SNRNP200: variants seen among roughly 807,000 people sequenced by gnomAD.
The protein encoded by SNRNP200 is U5 small nuclear ribonucleoprotein 200 kDa helicase.
SNRNP200 carries 66 observed loss-of-function variants against 255.2 expected under a neutral mutation model. That is an observed-to-expected ratio of 0.26 (90% CI 0.21 to 0.32). SNRNP200 has a LOEUF of 0.32. Ranked by LOEUF, SNRNP200 falls within the 10% of genes least tolerant of loss-of-function variation. SNRNP200 has a pLI of 1.00. For synonymous variants in SNRNP200, 939 were observed against 1,027.8 expected (o/e 0.91, Z 1.65); for missense variants, 1,585 against 2,749.8 (o/e 0.58, Z 9.47).
chr2:96,292,837 T>A, intron 16 of SNRNP200, 135 bp downstream of exon 16: 1 of 999,088 alleles, frequency 1.0e-6, no homozygotes, highest in Non-Finnish European at 1.5e-6. Context: ...TGTAGTAATA[T>A]CCCATTTCAT....
Position 96,277,428 on chromosome 2 carries a change from C to A in SNRNP200, c.5931+111G>T, listed in dbSNP as rs184881698. The stretch of plus-strand genomic sequence containing the variant: ...TCAACAGGGAGCACCTTCGGAGGAA[C>A]CATAACTAAAAGTTTAACTTACTGA... On this transcript the variant is annotated intron_variant, in intron 41 of 44. Coordinates refer to ENST00000323853, the MANE Select transcript of SNRNP200 (RefSeq NM_014014.5). The surrounding 1 kb of genome is among the most constrained non-coding windows in gnomAD (Gnocchi z 4.4). 5 of 1,394,434 alleles carry A rather than the reference C, an allele frequency of 3.6e-6. No homozygotes were observed. In the African/African-American group the frequency reaches 4.2e-5, roughly 12 times the overall value. The allele number at this position is 1,394,434 out of a possible 1,614,324, so 86.4% of individuals were successfully genotyped here. A position where few individuals can be genotyped will look rare whatever the true frequency, so the allele number is the denominator to read the frequency against.
In SNRNP200 at chr2:96,299,015, G is replaced by A. The variant is rs375684008; in HGVS notation, c.730-48C>T. 8.8e-5 allele frequency: 142 copies of A among 1,609,720 alleles called. 1 individual carries two copies. Among genetic ancestry groups the A allele is most frequent in the Admixed American group, 8.3e-4 (50 of 59,966 alleles). On this transcript the variant is annotated intron_variant, in intron 6 of 44. Coordinates refer to ENST00000323853, the MANE Select transcript of SNRNP200 (RefSeq NM_014014.5). The stretch of plus-strand genomic sequence containing the variant: ...AGCTCACCAGGTCTCTGCCAGCCTC[G>A]ATCACTTTGCCACCACCCTGCAACC...
chr2:96,292,771 T>C (rs2063891878), intron 16 of SNRNP200, among the ~76,000 whole-genome samples: 1 of 152,250 alleles, frequency 6.6e-6, no homozygotes, highest in Non-Finnish European at 1.5e-5. Flanking sequence ...TTTAAAGTTA[T>C]GAGCATAAAA....
Position 96,278,978 on chromosome 2 carries a change from T to G in SNRNP200, c.5154A>C (p.Leu1718Phe). The G allele has an allele frequency of 6.2e-7, 1 of 1,614,012 alleles. No individual in the cohort carries two copies. The change falls in exon 37 of 45, where the codon TTA (leucine) becomes TTC (phenylalanine). Residue 1718 changes from leucine to phenylalanine, a missense_variant. Transcript: ENST00000323853. The surrounding 1 kb of genome is among the most constrained non-coding windows in gnomAD (Gnocchi z 6.9). ...GAGATTCTACTGGCAATGGCTCATA[T>G]AAGAACTTCTTGAAGAAATCCTGTG... is the stretch of plus-strand genomic sequence containing the variant. ...GSKKDFFKKF[L>F]YEPLPVESHL...
chr2:96,281,589 T>G, intron 35 of SNRNP200: 1 of 534,432 alleles, frequency 1.9e-6, no homozygotes, highest in South Asian at 2.0e-5. Context: ...GGCTCTAATT[T>G]CCTACCTCTC....
Position 96,287,809 on chromosome 2 carries a change from T to C in SNRNP200, c.3365+54A>G. 1 of 1,479,310 alleles carries C rather than the reference T, an allele frequency of 6.8e-7. No individual in the cohort carries two copies. The highest frequency in any genetic ancestry group is 1.7e-5 in the Admixed American group (1 of 59,870). 91.6% of individuals were successfully genotyped at this position (1,479,310 alleles called of 1,614,324 possible). On this transcript the variant is annotated intron_variant, in intron 25 of 44. Coordinates refer to ENST00000323853, the MANE Select transcript of SNRNP200 (RefSeq NM_014014.5). This position sits in a 1 kb window ranked among gnomAD's most constrained non-coding sequence, Gnocchi z 5.7. ...CCCTGAGGCTTTCCCATCAGACCCT[T>C]GGGTTGGGGACCCCCACTCATGGTG...
chr2:96,286,561 C>A lies in SNRNP200; in HGVS notation c.3830-77G>T, dbSNP rs958150114. The A allele has an allele frequency of 1.9e-6, 3 of 1,596,568 alleles. No homozygotes were observed. The highest frequency in any genetic ancestry group is 3.4e-5 in the Admixed American group (2 of 59,284). On this transcript the variant is annotated intron_variant, in intron 28 of 44. Coordinates refer to ENST00000323853, the MANE Select transcript of SNRNP200 (RefSeq NM_014014.5). This position sits in a 1 kb window ranked among gnomAD's most constrained non-coding sequence, Gnocchi z 4.8. ...GGCCTCTAGATCCCCTCCATGAACA[C>A]TGGAAACCTAGGCAGCATATGTATC...
At position 96,279,133 on chromosome 2, in the gene SNRNP200, A is replaced by G. The variant is rs1684717868; in HGVS notation, c.5134-135T>C. 6 of 750,342 alleles carry G rather than the reference A, an allele frequency of 8.0e-6. No individual in the cohort carries two copies. In the South Asian group the frequency reaches 9.0e-5, roughly 11 times the overall value. 46.5% of individuals were successfully genotyped at this position (750,342 alleles called of 1,614,324 possible). A position where few individuals can be genotyped will look rare whatever the true frequency, so the allele number is the denominator to read the frequency against. ...CCAAAATGGAAGAAGCCACACATTT[A>G]GAAAGTGCATCACTGGTGACAATAC... is the stretch of plus-strand genomic sequence containing the variant. On this transcript the variant is annotated intron_variant, in intron 36 of 44. Transcript: ENST00000323853.
chr2:96,286,968 C>T lies in SNRNP200; in HGVS notation c.3639+38G>A, dbSNP rs1280554733. On this transcript the variant is annotated intron_variant, in intron 27 of 44. Coordinates refer to ENST00000323853, the MANE Select transcript of SNRNP200 (RefSeq NM_014014.5). The surrounding 1 kb of genome is among the most constrained non-coding windows in gnomAD (Gnocchi z 4.8). Reference sequence around the variant, plus strand: ...CCTCGGCCCAGCAACGTAGACTGAGCACCTCCAATCCAGCACCTCTGCCCA... The same window carrying T: ...CCTCGGCCCAGCAACGTAGACTGAGTACCTCCAATCCAGCACCTCTGCCCA... 6.2e-7 allele frequency: 1 copy of T among 1,613,906 alleles called. No homozygotes were observed. Among genetic ancestry groups the T allele is most frequent in the African/African-American group, 1.3e-5 (1 of 74,916 alleles).
rs913011184 is a variant in SNRNP200 at position 96,277,915 on chromosome 2, A to T, written c.5646T>A (p.Pro1882=). The change falls in exon 40 of 45, where the codon CCT becomes CCA. Residue 1882 remains proline, a synonymous_variant. Transcript: ENST00000323853. This position sits in a 1 kb window ranked among gnomAD's most constrained non-coding sequence, Gnocchi z 4.4. Reference sequence around the variant, plus strand: ...TCTTGACGTGCGGATCATTGAACTTAGGGTTATTCAGCTTGTGGGGGACCT... The same window carrying T: ...TCTTGACGTGCGGATCATTGAACTTTGGGTTATTCAGCTTGTGGGGGACCT... ...AQKVPHKLNN[P]KFNDPHVKTN... is the part of the protein sequence containing the mutation. The T allele has an allele frequency of 3.1e-6, 5 of 1,614,200 alleles. No homozygotes were observed. Among genetic ancestry groups the T allele is most frequent in the Non-Finnish European group, 4.2e-6 (5 of 1,180,040 alleles).
chr2:96,282,361 C>T, intron 34 of SNRNP200: 2 of 218,892 alleles, frequency 9.1e-6, no homozygotes, highest in Non-Finnish European at 1.9e-5. Flanking sequence ...AATGAGGCTC[C>T]AATAAACAGT....
Position 96,287,334 on chromosome 2 carries a change from T to C in SNRNP200, c.3484+105A>G, listed in dbSNP as rs2063850140. 3.4e-6 allele frequency: 4 copies of C among 1,171,612 alleles called. No individual in the cohort carries two copies. 72.6% of individuals were successfully genotyped at this position (1,171,612 alleles called of 1,614,324 possible). A position where few individuals can be genotyped will look rare whatever the true frequency, so the allele number is the denominator to read the frequency against. The stretch of plus-strand genomic sequence containing the variant: ...CTGTACTTCAGTGGGACTTGGGGAG[T>C]GAACACAGGATACTAATGCACAGGC... On this transcript the variant is annotated intron_variant, in intron 26 of 44. Coordinates refer to ENST00000323853, the MANE Select transcript of SNRNP200 (RefSeq NM_014014.5). The surrounding 1 kb of genome is among the most constrained non-coding windows in gnomAD (Gnocchi z 5.7).
In SNRNP200 at chr2:96,290,596, G is replaced by A. The variant is rs1428315266; in HGVS notation, c.2554-82C>T. 1.2e-5 allele frequency: 20 copies of A among 1,611,824 alleles called. No homozygotes were observed. The Admixed American group carries it at 3.3e-4, about 27-fold the overall frequency. ...TGCAGGTATCTACATTACAGAACTA[G>A]ACCTCTGATCTGCTAGCTTTCCAGC... is the stretch of plus-strand genomic sequence containing the variant. On this transcript the variant is annotated intron_variant, in intron 19 of 44. Transcript: ENST00000323853. The surrounding 1 kb of genome is among the most constrained non-coding windows in gnomAD (Gnocchi z 4.5).
chr2:96,276,000 C>T (rs1251464924), intron 43 of SNRNP200, among the ~76,000 whole-genome samples: 2 of 151,960 alleles, frequency 1.3e-5, no homozygotes, highest in Non-Finnish European at 2.9e-5. Flanking sequence ...AGCGAGACTC[C>T]GTCTCAAAAA....
intron 4 of SNRNP200, 62 bp from the exon 5 acceptor site, chr2:96,301,115 G>C: frequency 7.2e-7 from 1 of 1,380,838 alleles, no homozygotes; most frequent in Non-Finnish European, 1.0e-6. Flanking sequence ...AGGCACTCTG[G>C]AGCCAATGTC....
At chr2:96,288,513 C>A (rs2063857719) in intron 24 of SNRNP200, 150 bp downstream of exon 24, 17 of 719,638 alleles carry the variant, frequency 2.4e-5, no homozygotes, top group South Asian at 2.2e-4. Context: ...CTGTACCACA[C>A]ATGCACCAAC....
Position 96,289,863 on chromosome 2 carries a change from G to T in SNRNP200, c.2876C>A (p.Thr959Lys), listed in dbSNP as rs1338836253. 1 of 1,614,204 alleles carries T rather than the reference G, an allele frequency of 6.2e-7. No homozygotes were observed. Among genetic ancestry groups the T allele is most frequent in the Non-Finnish European group, 8.5e-7 (1 of 1,180,030 alleles). The change falls in exon 21 of 45, where the codon ACA (threonine) becomes AAA (lysine). Residue 959 changes from threonine (T) to lysine (K), a missense_variant. By Grantham distance (78) the Thr-to-Lys change is moderately conservative. Coordinates refer to ENST00000323853, the MANE Select transcript of SNRNP200 (RefSeq NM_014014.5). ...LDQRRLDLVH[T>K]AALMLDKNNL... ...GTTCTTGTCCAGCATCAGGGCAGCT[G>T]TATGAACCAGATCTAGTCGGCGCTG...
In SNRNP200 at chr2:96,277,712, T is replaced by A; in HGVS notation, c.5758A>T (p.Ile1920Phe). The change falls in exon 41 of 45, where the codon ATC becomes TTC. Residue 1920 changes from isoleucine (I) to phenylalanine (F), a missense_variant. Physicochemically the swap from Ile to Phe is conservative, Grantham distance 21. Transcript: ENST00000323853. The surrounding 1 kb of genome is among the most constrained non-coding windows in gnomAD (Gnocchi z 4.4). Reference sequence around the variant, plus strand: ...TCCACGCAGGCCTGGATGAGCCGGATTGCCTGAACAGGAAAAGGAGTATAA... The same window carrying A: ...TCCACGCAGGCCTGGATGAGCCGGAATGCCTGAACAGGAAAAGGAGTATAA... ...SDTEEILSKA[I>F]RLIQACVDVL... 6.2e-7 allele frequency: 1 copy of A among 1,614,076 alleles called. No homozygotes were observed. Among genetic ancestry groups the A allele is most frequent in the Non-Finnish European group, 8.5e-7 (1 of 1,180,006 alleles).
At chr2:96,282,240 A>G in intron 34 of SNRNP200, 1 of 346,140 alleles carries the variant, frequency 2.9e-6, no homozygotes, top group South Asian at 2.9e-5. Flanking sequence ...TCATGCAGCC[A>G]CGGGCTGGCT....
Sources: allele counts gnomAD v4.1 joint callset (sites outside exome capture counted in the v4.1 genomes callset), GRCh38; gene constraint gnomAD v4.1.1; non-coding constraint Gnocchi (gnomAD v3.1); transcripts MANE v1.5; gene names NCBI Gene and HGNC (gene_info 2026-07-23, HGNC 2026-07-21).